The following ST13 variants were observed in gnomAD, a reference collection of about 807,000 sequenced individuals.
ST13 encodes the protein hsc70-interacting protein.
A neutral mutation model predicts 56.7 loss-of-function variants in ST13; 23 were observed. That is an observed-to-expected ratio of 0.41 (90% confidence interval 0.29 to 0.57). The LOEUF (loss-of-function observed/expected upper bound fraction) is 0.57, where lower values mean the gene tolerates loss of function less well. Ranked by LOEUF, ST13 falls within the 20% of genes least tolerant of loss-of-function variation. The pLI is 0.36. For synonymous variants in ST13, 132 were observed against 142.4 expected (o/e 0.93, Z 0.52); for missense variants, 369 against 459.9 (o/e 0.80, Z 1.81).
intron 8 of ST13, 42 bp from the exon 9 acceptor site, chr22:40,830,998 C>G: frequency 8.1e-7 from 1 of 1,241,378 alleles, no homozygotes; most frequent in Non-Finnish European, 1.2e-6. Context: ...GCTCCAAAAG[C>G]TGAATAACAT....
chr22:40,848,144 A>C (rs918005283), intron 3 of ST13, 150 bp downstream of exon 3: 20 of 581,718 alleles, frequency 3.4e-5, no homozygotes, highest in Middle Eastern at 2.6e-4. Context: ...GTTTCCTTTT[A>C]CTTTCTAAAA....
In ST13 at chr22:40,829,693, T is replaced by TA. The variant is rs1178406402; in HGVS notation, c.799-20dup. On this transcript the variant is annotated intron_variant, in intron 9 of 11. Coordinates refer to ENST00000216218, the MANE Select transcript of ST13 (RefSeq NM_003932.5). ...CTTCCTCCTTTGATACAAAAGGAAA[T>TA]AAATTATATAATAGAAGAAGAAATA... The TA allele has an allele frequency of 4.2e-5, 58 of 1,388,980 alleles. No homozygotes were observed. Among genetic ancestry groups the TA allele is most frequent in the Non-Finnish European group, 5.3e-5 (54 of 1,023,716 alleles). The allele number at this position is 1,388,980 out of a possible 1,614,324, so 86.0% of individuals were successfully genotyped here.
At chr22:40,837,478 C>G (rs1405531244) in intron 5 of ST13, among the ~76,000 whole-genome samples, 1 of 152,130 alleles carries the variant, frequency 6.6e-6, no homozygotes, top group Non-Finnish European at 1.5e-5. Flanking sequence ...GAAACCCCGT[C>G]TCTACTAAAA....
chr22:40,854,119 T>C (rs766747426), intron 1 of ST13, among the ~76,000 whole-genome samples: 1 of 152,198 alleles, frequency 6.6e-6, no homozygotes, highest in Non-Finnish European at 1.5e-5. Flanking sequence ...CAGCTAAGCC[T>C]GTGAGAAACA....
intron 8 of ST13, 99 bp downstream of exon 8, chr22:40,832,466 GTTTC>G: frequency 2.4e-6 from 2 of 816,880 alleles, no homozygotes; most frequent in Non-Finnish European, 2.0e-6. Context: ...CCAATGGTTT[GTTTC>G]TTTGCCTGTT....
At chr22:40,849,518 C>T (rs1052660148) in intron 2 of ST13, among the ~76,000 whole-genome samples, 1 of 147,908 alleles carries the variant, frequency 6.8e-6, no homozygotes, top group African/African-American at 2.5e-5. Context: ...GAACCAAAAA[C>T]CTACCTTGTC....
intron 3 of ST13, among the ~76,000 whole-genome samples, chr22:40,847,468 G>A (rs2057837988): frequency 6.6e-6 from 1 of 150,578 alleles, no homozygotes; most frequent in African/African-American, 2.4e-5. Context: ...AGAATTGATT[G>A]AACCTGGGAG....
chr22:40,825,615 C>T lies in ST13; in HGVS notation c.*923G>A, dbSNP rs530654857. The T allele has an allele frequency of 5.9e-5, 9 of 152,096 alleles. No homozygotes were observed. In the East Asian group the frequency reaches 9.7e-4, roughly 16 times the overall value. 9.4% of individuals were successfully genotyped at this position (152,096 alleles called of 1,614,324 possible). The stretch of plus-strand genomic sequence containing the variant: ...AGCATTAAATATGCTTGTATAATTA[C>T]GCTGTTAATGATGATAGCAGTGATG... On this transcript the variant is annotated 3_prime_UTR_variant, in exon 12 of 12. Coordinates refer to ENST00000216218, the MANE Select transcript of ST13 (RefSeq NM_003932.5).
At chr22:40,831,285 T>G (rs2057752616) in intron 8 of ST13, among the ~76,000 whole-genome samples, 1 of 152,234 alleles carries the variant, frequency 6.6e-6, no homozygotes, top group Non-Finnish European at 1.5e-5. Flanking sequence ...TGTTTAGGTT[T>G]CAGACGGACA....
intron 1 of ST13, among the ~76,000 whole-genome samples, chr22:40,855,595 G>C (rs1034279587): frequency 1.3e-5 from 2 of 152,066 alleles, no homozygotes; most frequent in South Asian, 2.1e-4. Context: ...AGTCATCTTA[G>C]GGAAGACTTC....
At chr22:40,838,589 C>T (rs1305498836) in intron 5 of ST13, among the ~76,000 whole-genome samples, 1 of 150,244 alleles carries the variant, frequency 6.7e-6, no homozygotes, top group East Asian at 1.9e-4. Flanking sequence ...GGATGAAACC[C>T]TATCTCTACC....
chr22:40,832,380 T>C (rs375628911), intron 8 of ST13, among the ~76,000 whole-genome samples, 189 bp downstream of exon 8: 51 of 152,220 alleles, frequency 3.4e-4, no homozygotes, highest in Non-Finnish European at 6.8e-4. Context: ...TAATAATGCA[T>C]GAGAAATGAA....
At chr22:40,850,730 GGAGT>G (rs1406941926) in intron 2 of ST13, 89 bp downstream of exon 2, 1 of 900,252 alleles carries the variant, frequency 1.1e-6, no homozygotes, top group Non-Finnish European at 1.8e-6. Flanking sequence ...GGGGAAATCA[GGAGT>G]GATAACTGGA....
chr22:40,826,360 G>T lies in ST13; in HGVS notation c.*178C>A. On this transcript the variant is annotated 3_prime_UTR_variant, in exon 12 of 12. Transcript: ENST00000216218. ...CATTATCTGAATGAATACCCTAATG[G>T]CAAACCACTGTAAAATGCTTCAGCT... The T allele has an allele frequency of 2.1e-6, 1 of 477,272 alleles. No individual in the cohort carries two copies. Among genetic ancestry groups the T allele is most frequent in the Non-Finnish European group, 3.7e-6 (1 of 272,040 alleles). 29.6% of individuals were successfully genotyped at this position (477,272 alleles called of 1,614,324 possible). A position where few individuals can be genotyped will look rare whatever the true frequency, so the allele number is the denominator to read the frequency against.
At chr22:40,848,590 C>CAA (rs2040355247) in intron 2 of ST13, among the ~76,000 whole-genome samples, 1 of 151,940 alleles carries the variant, frequency 6.6e-6, no homozygotes, top group African/African-American at 2.4e-5. Context: ...ACTAAAAATA[C>CAA]AAATTAGCCG....
At chr22:40,853,747 T>G (rs975206554) in intron 1 of ST13, among the ~76,000 whole-genome samples, 2 of 152,194 alleles carry the variant, frequency 1.3e-5, no homozygotes, top group Non-Finnish European at 2.9e-5. Context: ...TTTACAACAT[T>G]TAGGAAAAGC....
intron 1 of ST13, among the ~76,000 whole-genome samples, chr22:40,855,943 A>G (rs553856645): frequency 2.7e-5 from 4 of 150,648 alleles, no homozygotes; most frequent in Admixed American, 2.6e-4. Context: ...TGTAAGGTAA[A>G]AACAATCATT....
In ST13 at chr22:40,825,403, G is replaced by C. The variant is rs2057723004; in HGVS notation, c.*1135C>G. On this transcript the variant is annotated 3_prime_UTR_variant, in exon 12 of 12. Transcript: ENST00000216218. ...ACTACAAGATAAACTAACTGCAATA[G>C]GTTTTTCTAAGTAGAAGACCAAACA... 1 of 152,070 alleles carries C rather than the reference G, an allele frequency of 6.6e-6. No individual in the cohort carries two copies. The highest frequency in any genetic ancestry group is 2.4e-5 in the African/African-American group (1 of 41,400). 9.4% of individuals were successfully genotyped at this position (152,070 alleles called of 1,614,324 possible).
At chr22:40,833,243 A>G (rs2057762077) in intron 7 of ST13, among the ~76,000 whole-genome samples, 1 of 152,176 alleles carries the variant, frequency 6.6e-6, no homozygotes, top group Non-Finnish European at 1.5e-5. Context: ...AATGGAAATA[A>G]AGCAAATCCT....
Sources: allele counts gnomAD v4.1 joint callset (sites outside exome capture counted in the v4.1 genomes callset), GRCh38; gene constraint gnomAD v4.1.1; transcripts MANE v1.5; gene names NCBI Gene and HGNC (gene_info 2026-07-23, HGNC 2026-07-21).